The following ZC3H13 variants were observed in gnomAD, a reference collection of about 807,000 sequenced individuals.
The protein encoded by ZC3H13 is zinc finger CCCH domain-containing protein 13.
ZC3H13 carries 64 observed loss-of-function variants against 204.1 expected under a neutral mutation model. That is an observed-to-expected ratio of 0.31 (90% confidence interval 0.26 to 0.39). The LOEUF (loss-of-function observed/expected upper bound fraction) is 0.39. Among genes scored for constraint, ZC3H13 ranks in the 10% least tolerant of loss-of-function variants. The pLI is 1.00. For synonymous variants in ZC3H13, 667 were observed against 693.7 expected, an observed-to-expected ratio of 0.96 and a Z score of 0.60; for missense variants, 1,833 against 2,082.7, an observed-to-expected ratio of 0.88 and a Z score of 2.33.
In ZC3H13 at chr13:45,988,794, C is replaced by T. The variant is rs2039749187; in HGVS notation, c.1248G>A (p.Arg416=). 1.2e-6 allele frequency: 2 copies of T among 1,611,954 alleles called. No individual in the cohort carries two copies. Among genetic ancestry groups the T allele is most frequent in the African/African-American group, 1.3e-5 (1 of 74,864 alleles). Reference sequence around the variant, plus strand: ...TCAAAGTACAGTACACACCTTCCCTCCTTTCATGGCGTCGATCATGAGACT... The same window carrying T: ...TCAAAGTACAGTACACACCTTCCCTTCTTTCATGGCGTCGATCATGAGACT... ...TSQSHDRRHE[R]REDTRGKRDR... is the part of the protein sequence containing the mutation. The change falls in exon 9 of 19, where the codon AGG becomes AGA. Residue 416 remains arginine, a synonymous_variant. Transcript: ENST00000679008.
In ZC3H13 at chr13:45,963,889, A is replaced by T; in HGVS notation, c.4628T>A (p.Phe1543Tyr). ...CTGACATGTTTCTTTGACTTTGGCA[A>T]AGAGTTCAGAACCTGCCAACTTTTT... ...ISKKLAGSEL[F>Y]AKVKETCQRL... Residue 1543 changes from phenylalanine to tyrosine, a missense_variant, in exon 17 of 19, where the codon TTT (phenylalanine) becomes TAT (tyrosine). Phe to Tyr is a conservative substitution (Grantham distance 22). Transcript: ENST00000679008. 1 of 1,614,124 alleles carries T rather than the reference A, an allele frequency of 6.2e-7. No homozygotes were observed. The highest frequency in any genetic ancestry group is 2.2e-5 in the East Asian group (1 of 44,874).
At chr13:45,961,820 G>A (rs1364699635) in intron 17 of ZC3H13, among the ~76,000 whole-genome samples, 1 of 151,868 alleles carries the variant, frequency 6.6e-6, no homozygotes, top group African/African-American at 2.4e-5. Context: ...CTGCATGACT[G>A]TATCAAAGTA....
intron 1 of ZC3H13, 128 bp from the exon 2 acceptor site, chr13:46,045,644 TA>T (rs147727629): frequency 0.13 from 61,006 of 483,444 alleles, no homozygotes; most frequent in South Asian, 0.18. Context: ...CTTGGGAGAT[TA>T]AAAAAAAAAA....
At chr13:45,997,476 T>G (rs922389091) in intron 8 of ZC3H13, among the ~76,000 whole-genome samples, 22 of 152,274 alleles carry the variant, frequency 1.4e-4, no homozygotes, top group African/African-American at 5.1e-4. Context: ...CAGGCAAAGT[T>G]TTATACATAA....
intron 11 of ZC3H13, 93 bp from the exon 12 acceptor site, chr13:45,975,931 G>A: frequency 1.4e-6 from 2 of 1,468,896 alleles, no homozygotes; most frequent in South Asian, 3.0e-5. Context: ...TCTGTGATAG[G>A]GTCACACTGG....
intron 3 of ZC3H13, among the ~76,000 whole-genome samples, chr13:46,042,931 C>A (rs1310960419): frequency 2.0e-5 from 3 of 151,832 alleles, no homozygotes; most frequent in Admixed American, 6.6e-5. Flanking sequence ...TTTTCATATT[C>A]TGCTGTAAAT....
intron 12 of ZC3H13, 47 bp downstream of exon 12, chr13:45,975,236 C>A (rs1156860496): frequency 1.3e-6 from 2 of 1,559,428 alleles, no homozygotes; most frequent in East Asian, 2.3e-5. Context: ...ACTTTGAATT[C>A]TTTCCTGAAA....
At chr13:45,985,869 G>A (rs1370122788) in intron 9 of ZC3H13, 108 bp from the exon 10 acceptor site, 8 of 1,007,308 alleles carry the variant, frequency 7.9e-6, no homozygotes, top group South Asian at 1.8e-5. Context: ...ATGACAATTC[G>A]TGTTCTTTGC....
At chr13:45,994,759 T>C (rs2040210840) in intron 8 of ZC3H13, among the ~76,000 whole-genome samples, 1 of 152,140 alleles carries the variant, frequency 6.6e-6, no homozygotes, top group South Asian at 2.1e-4. Flanking sequence ...AGTTACTACT[T>C]TCTGCTGGGG....
At position 45,959,651 on chromosome 13, in the gene ZC3H13, C is replaced by CAAAAAAAAAA; in HGVS notation, c.4676-6_4676-5insTTTTTTTTTT. The CAAAAAAAAAA allele has an allele frequency of 6.7e-7, 1 of 1,493,132 alleles. No homozygotes were observed. Among genetic ancestry groups the CAAAAAAAAAA allele is most frequent in the African/African-American group, 1.4e-5 (1 of 69,376 alleles). 92.5% of individuals were successfully genotyped at this position (1,493,132 alleles called of 1,614,324 possible). On this transcript the variant is annotated splice_polypyrimidine_tract_variant and splice_region_variant and intron_variant, in intron 17 of 18. Coordinates refer to ENST00000679008, the MANE Select transcript of ZC3H13 (RefSeq NM_001330564.2). Reference sequence around the variant, plus strand: ...GTTCAAAGAGATTGTCTGCATCTTTCAAAAAAAAGTAAACATGCATTAAGT... The same window carrying CAAAAAAAAAA: ...GTTCAAAGAGATTGTCTGCATCTTTCAAAAAAAAAAAAAAAAAAGTAAACATGCATTAAGT...
intron 1 of ZC3H13, among the ~76,000 whole-genome samples, chr13:46,048,897 A>G (rs1203046493): frequency 6.6e-6 from 1 of 151,920 alleles, no homozygotes; most frequent in Non-Finnish European, 1.5e-5. Flanking sequence ...TTGGGAGGCC[A>G]AGGCAGGCGG....
intron 4 of ZC3H13, among the ~76,000 whole-genome samples, chr13:46,033,064 A>G (rs537145571): frequency 6.6e-6 from 1 of 152,274 alleles, no homozygotes; most frequent in Admixed American, 6.5e-5. Context: ...GGAAAAGGGT[A>G]CAGCAATCAT....
chr13:46,052,470 G>C lies in ZC3H13; in HGVS notation c.-76C>G, dbSNP rs926711824. The stretch of plus-strand genomic sequence containing the variant: ...CACCGCCGCCGCCGCTCCGAGGAGC[G>C]GGGGAGGCGACTCTGTCCCCGCGCC... On this transcript the variant is annotated 5_prime_UTR_variant, in exon 1 of 19. Coordinates refer to ENST00000679008, the MANE Select transcript of ZC3H13 (RefSeq NM_001330564.2). The C allele has an allele frequency of 7.5e-6, 3 of 398,094 alleles. No individual in the cohort carries two copies. Among genetic ancestry groups the C allele is most frequent in the Non-Finnish European group, 8.9e-6 (2 of 225,948 alleles). The allele number at this position is 398,094 out of a possible 1,614,324, so 24.7% of individuals were successfully genotyped here.
At chr13:46,008,789 C>A (rs143320666) in intron 7 of ZC3H13, among the ~76,000 whole-genome samples, 1 of 152,066 alleles carries the variant, frequency 6.6e-6, no homozygotes, top group African/African-American at 2.4e-5. Flanking sequence ...CTTCAATATA[C>A]CTTTGCAATA....
At position 46,042,205 on chromosome 13, in the gene ZC3H13, G is replaced by A. The variant is rs1483354397; in HGVS notation, c.298C>T (p.Pro100Ser). The stretch of plus-strand genomic sequence containing the variant: ...GACTCCTCTGTATTTCGTTTCTGGG[G>A]CTCAGTGTCCACGTCTTGGCGCTTG... The part of the protein sequence containing the change: ...KNKRQDVDTE[P>S]QKRNTEESSS... Residue 100 changes from proline (P) to serine (S), a missense_variant, in exon 4 of 19, where the codon CCC becomes TCC. Physicochemically the swap from Pro to Ser is moderately conservative, Grantham distance 74. Coordinates refer to ENST00000679008, the MANE Select transcript of ZC3H13 (RefSeq NM_001330564.2). The A allele has an allele frequency of 6.2e-7, 1 of 1,613,360 alleles. No individual in the cohort carries two copies. The highest frequency in any genetic ancestry group is 8.5e-7 in the Non-Finnish European group (1 of 1,179,486).
chr13:46,013,817 TA>T (rs2041736154), intron 5 of ZC3H13, among the ~76,000 whole-genome samples: 1 of 152,200 alleles, frequency 6.6e-6, no homozygotes, highest in Non-Finnish European at 1.5e-5. Flanking sequence ...ACAAGGTAGA[TA>T]TTTTTAAGAA....
At chr13:46,009,848 C>T (rs763133742) in intron 7 of ZC3H13, among the ~76,000 whole-genome samples, 48 of 151,904 alleles carry the variant, frequency 3.2e-4, no homozygotes, top group Middle Eastern at 3.4e-3. Flanking sequence ...GTTTAAAAAT[C>T]GGAAACAACA....
At chr13:45,992,606 T>A (rs2040041479) in intron 8 of ZC3H13, among the ~76,000 whole-genome samples, 1 of 152,158 alleles carries the variant, frequency 6.6e-6, no homozygotes, top group African/African-American at 2.4e-5. Context: ...CACAAAAAAA[T>A]TTGCAACTTC....
At chr13:46,039,766 ATT>A (rs1175734943) in intron 4 of ZC3H13, among the ~76,000 whole-genome samples, 1 of 152,202 alleles carries the variant, frequency 6.6e-6, no homozygotes, top group East Asian at 1.9e-4. Context: ...GGTTATTTAC[ATT>A]TTGTGTGTCT....
Sources: gnomAD v4.1 joint callset for allele counts (sites outside exome capture counted in the v4.1 genomes callset) on GRCh38, gnomAD v4.1.1 for gene constraint, MANE v1.5 for transcripts, NCBI Gene and HGNC (gene_info 2026-07-23, HGNC 2026-07-21) for gene names.